The following BTBD1 variants were observed in gnomAD, a reference collection of about 807,000 sequenced individuals.
BTBD1 encodes BTB domain containing 1, also known as BTB/POZ domain-containing protein 1.
In BTBD1, 34 loss-of-function variants were observed where a neutral mutation model predicts 48.0. The ratio of observed to expected loss-of-function variants is 0.71; its 90% CI spans 0.54 to 0.94. The LOEUF is 0.94. Ranked by LOEUF, BTBD1 falls within the 40% of genes least tolerant of loss-of-function variation. The probability of loss-of-function intolerance (pLI) is 0.00; values close to 1 mark genes in which losing one functional copy is unlikely to be tolerated. For synonymous variants in BTBD1, 261 were observed against 242.1 expected, an observed-to-expected ratio of 1.08 and a Z score of -0.72; for missense variants, 543 against 625.6, an observed-to-expected ratio of 0.87 and a Z score of 1.41.
At chr15:83,044,663 G>A in intron 3 of BTBD1, 1 of 1,516,144 alleles carries the variant, frequency 6.6e-7, no homozygotes, top group Non-Finnish European at 9.1e-7. Flanking sequence ...ATCAGGAGTG[G>A]GATGGGAAGG....
intron 1 of BTBD1, among the ~76,000 whole-genome samples, chr15:83,059,626 CG>C (rs1567113497): frequency 6.6e-6 from 1 of 152,172 alleles, no homozygotes; most frequent in East Asian, 1.9e-4. Flanking sequence ...ATTGTCACTC[CG>C]GGTGGAGAGT....
At chr15:83,063,442 G>A (rs1255536608) in intron 1 of BTBD1, among the ~76,000 whole-genome samples, 1 of 152,096 alleles carries the variant, frequency 6.6e-6, no homozygotes, top group East Asian at 1.9e-4. Flanking sequence ...ATTTGACCAT[G>A]TCTCATCATG....
Position 83,018,712 on chromosome 15 carries a change from G to C in BTBD1, c.1285C>G (p.Leu429Val). 6.2e-7 allele frequency: 1 copy of C among 1,613,882 alleles called. No individual in the cohort carries two copies. Among genetic ancestry groups the C allele is most frequent in the South Asian group, 1.1e-5 (1 of 91,018 alleles). The change falls in exon 7 of 8, where the codon CTC becomes GTC. Residue 429 changes from leucine (L) to valine (V), a missense_variant. Transcript: ENST00000261721. The stretch of plus-strand genomic sequence containing the variant: ...ACATAGTGCATGACTCTTACTTTGA[G>C]TGTTGCACATGCTGTGTAGCACACA... ...PNVCYTACAT[L>V]KGPDSHYGTK...
chr15:83,065,935 T>C lies in BTBD1; in HGVS notation c.401+816A>G, dbSNP rs531016310. On this transcript the variant is annotated intron_variant, in intron 1 of 7. Coordinates refer to ENST00000261721, the MANE Select transcript of BTBD1 (RefSeq NM_025238.4). The stretch of plus-strand genomic sequence containing the variant: ...CACAAAGCAGGTAAAGCCTCACTTG[T>C]CTGTTTTCGTATTTACTTTCCTGGG... 2.0e-5 allele frequency among the ~76,000 whole-genome samples: 3 copies of C among 152,328 alleles called. No homozygotes were observed. The East Asian group carries it at 5.8e-4, about 29-fold the overall frequency.
At chr15:83,032,575 C>T (rs986689819) in intron 4 of BTBD1, among the ~76,000 whole-genome samples, 5 of 152,100 alleles carry the variant, frequency 3.3e-5, no homozygotes, top group Admixed American at 6.6e-5. Context: ...AAGGCTTTTG[C>T]AGCAACTTGG....
At chr15:83,023,937 G>A (rs1008912721) in intron 5 of BTBD1, among the ~76,000 whole-genome samples, 6 of 152,018 alleles carry the variant, frequency 3.9e-5, no homozygotes, top group African/African-American at 1.2e-4. Context: ...GCACGATCTC[G>A]GCTCATTGCA....
intron 2 of BTBD1, among the ~76,000 whole-genome samples, chr15:83,051,437 G>A (rs991902817): frequency 2.5e-4 from 38 of 150,364 alleles, no homozygotes; most frequent in African/African-American, 9.2e-4. Context: ...TAAACACACT[G>A]GCTTTAAATT....
intron 4 of BTBD1, among the ~76,000 whole-genome samples, chr15:83,034,537 C>T (rs1004497020): frequency 6.6e-6 from 1 of 152,122 alleles, no homozygotes; most frequent in African/African-American, 2.4e-5. Flanking sequence ...TTGCCTGAAC[C>T]CAGAAGGTGG....
rs900714005 is a variant in BTBD1 at position 83,016,551 on chromosome 15, G to A, written c.*1516C>T. 6.9e-6 allele frequency: 1 copy of A among 144,842 alleles called. No individual in the cohort carries two copies. The highest frequency in any genetic ancestry group is 1.6e-5 in the Non-Finnish European group (1 of 64,444). 9.0% of individuals were successfully genotyped at this position (144,842 alleles called of 1,614,324 possible). ...GTTTCAATTGTTCAGTACAACAGAT[G>A]AGGCATTTAAAAGGTCTCCAACGTC... On this transcript the variant is annotated 3_prime_UTR_variant, in exon 8 of 8. Coordinates refer to ENST00000261721, the MANE Select transcript of BTBD1 (RefSeq NM_025238.4).
chr15:83,065,069 T>C (rs1169046122), intron 1 of BTBD1, among the ~76,000 whole-genome samples: 1 of 152,256 alleles, frequency 6.6e-6, no homozygotes, highest in Non-Finnish European at 1.5e-5. Context: ...CTATCCGTCA[T>C]ATTTAGTGAC....
intron 1 of BTBD1, among the ~76,000 whole-genome samples, chr15:83,065,259 C>T (rs1224217092): frequency 6.6e-6 from 1 of 152,162 alleles, no homozygotes; most frequent in African/African-American, 2.4e-5. Context: ...GGGTTTTTAC[C>T]ACCATCTTTG....
intron 7 of BTBD1, 141 bp downstream of exon 7, chr15:83,018,566 A>G: frequency 1.1e-6 from 1 of 882,804 alleles, no homozygotes; most frequent in Admixed American, 3.2e-5. Flanking sequence ...TCTTTTCGGA[A>G]GGCAGTGGAA....
At chr15:83,039,237 CAAAAG>C (rs1161054926) in intron 4 of BTBD1, among the ~76,000 whole-genome samples, 1 of 151,656 alleles carries the variant, frequency 6.6e-6, no homozygotes, top group Non-Finnish European at 1.5e-5. Context: ...AGACATTTCT[CAAAAG>C]AAGATATACA....
chr15:83,057,144 A>G (rs754004077), intron 1 of BTBD1, among the ~76,000 whole-genome samples: 5 of 152,194 alleles, frequency 3.3e-5, no homozygotes, highest in Non-Finnish European at 5.9e-5. Context: ...ATCCTCTCAC[A>G]TAGAAGGAAG....
At chr15:83,030,437 G>T in intron 4 of BTBD1, 109 bp from the exon 5 acceptor site, 2 of 866,448 alleles carry the variant, frequency 2.3e-6, no homozygotes, top group South Asian at 1.8e-5. Context: ...TAAAAATAGG[G>T]GAAAAAAATC....
At position 83,067,161 on chromosome 15, in the gene BTBD1, G is replaced by T; in HGVS notation, c.-10C>A. The T allele has an allele frequency of 7.1e-7, 1 of 1,417,666 alleles. No individual in the cohort carries two copies. The highest frequency in any genetic ancestry group is 9.2e-7 in the Non-Finnish European group (1 of 1,091,070). 87.8% of individuals were successfully genotyped at this position (1,417,666 alleles called of 1,614,324 possible). ...GCCCGAGTGAGGCCATCCTCCAGCT[G>T]CGCGGTTGCCCACGTTATGGACAAA... On this transcript the variant is annotated 5_prime_UTR_variant, in exon 1 of 8. Coordinates refer to ENST00000261721, the MANE Select transcript of BTBD1 (RefSeq NM_025238.4).
At chr15:83,023,843 G>C (rs770973218) in intron 5 of BTBD1, among the ~76,000 whole-genome samples, 2 of 152,076 alleles carry the variant, frequency 1.3e-5, no homozygotes, top group Non-Finnish European at 2.9e-5. Flanking sequence ...GAAACTGATA[G>C]TGACAAACTC....
chr15:83,026,391 G>C (rs888536480), intron 5 of BTBD1, among the ~76,000 whole-genome samples: 4 of 151,894 alleles, frequency 2.6e-5, no homozygotes, highest in African/African-American at 9.7e-5. Context: ...GAAATGCACA[G>C]AACAGTCTCC....
chr15:83,030,098 C>A (rs1170305286), intron 5 of BTBD1, 38 bp downstream of exon 5: 1 of 1,579,758 alleles, frequency 6.3e-7, no homozygotes, highest in East Asian at 2.2e-5. Context: ...GTAACTGCTA[C>A]CCCCACTCTA....
Sources: gnomAD v4.1 joint callset for allele counts (sites outside exome capture counted in the v4.1 genomes callset) on GRCh38, gnomAD v4.1.1 for gene constraint, MANE v1.5 for transcripts, NCBI Gene and HGNC (gene_info 2026-07-23, HGNC 2026-07-21) for gene names.